PALLD: variants seen among roughly 807,000 people sequenced by gnomAD.
PALLD encodes palladin.
A neutral mutation model predicts 123.5 loss-of-function variants in PALLD; 61 were observed. That is an observed-to-expected ratio of 0.49 (90% confidence interval 0.40 to 0.61). The LOEUF (loss-of-function observed/expected upper bound fraction) is 0.61, where lower values mean the gene tolerates loss of function less well. PALLD is among the 20% of genes least tolerant of loss of function. The pLI is 0.00. For missense variants in PALLD, 1,273 were observed against 1,377.0 expected, an observed-to-expected ratio of 0.92 and a Z score of 1.20; for synonymous variants, 465 against 496.4, an observed-to-expected ratio of 0.94 and a Z score of 0.84.
chr4:168,919,744 A>G (rs1357402895), intron 17 of PALLD, among the ~76,000 whole-genome samples: 1 of 152,100 alleles, frequency 6.6e-6, no homozygotes, highest in Non-Finnish European at 1.5e-5. Context: ...TTTCAGGAAA[A>G]TAACTAATTC....
chr4:168,894,089 G>C (rs1754609772), intron 11 of PALLD: 1 of 186,972 alleles, frequency 5.3e-6, no homozygotes, highest in Admixed American at 5.4e-5. Flanking sequence ...ACTGTTAAAT[G>C]ACTGATAGAA....
chr4:168,754,758 A>C (rs1196833607), intron 10 of PALLD, among the ~76,000 whole-genome samples: 1 of 152,190 alleles, frequency 6.6e-6, no homozygotes, highest in Admixed American at 6.5e-5. Flanking sequence ...ATGTTCAAAG[A>C]ATGCCTAGTG....
chr4:168,639,749 T>A (rs926216124), intron 2 of PALLD, among the ~76,000 whole-genome samples: 2 of 152,094 alleles, frequency 1.3e-5, no homozygotes, highest in Non-Finnish European at 2.9e-5. Flanking sequence ...TTTCACCGTG[T>A]TAGCCAGGAT....
At chr4:168,816,413 A>ATATATATATATATT (rs34003798) in intron 10 of PALLD, among the ~76,000 whole-genome samples, 1 of 136,002 alleles carries the variant, frequency 7.4e-6, no homozygotes, top group African/African-American at 3.0e-5. Flanking sequence ...ATATATATAT[A>ATATATATATATATT]TTTTTTTTAA....
intron 2 of PALLD, among the ~76,000 whole-genome samples, chr4:168,570,428 A>T (rs1768857046): frequency 6.6e-6 from 1 of 152,166 alleles, no homozygotes; most frequent in Non-Finnish European, 1.5e-5. Context: ...GCAAAGTAAT[A>T]CCTTTTAGAC....
At chr4:168,917,778 T>C (rs1760501295) in intron 17 of PALLD, among the ~76,000 whole-genome samples, 1 of 152,182 alleles carries the variant, frequency 6.6e-6, no homozygotes, top group Non-Finnish European at 1.5e-5. Context: ...ATACACAAAT[T>C]GTGTTTCAGT....
At chr4:168,721,839 A>G (rs1394847078) in intron 10 of PALLD, among the ~76,000 whole-genome samples, 3 of 152,174 alleles carry the variant, frequency 2.0e-5, no homozygotes, top group Non-Finnish European at 4.4e-5. Context: ...CTAGAAACCA[A>G]TGACCTTCAG....
At chr4:168,622,187 A>T (rs1774828967) in intron 2 of PALLD, among the ~76,000 whole-genome samples, 1 of 152,092 alleles carries the variant, frequency 6.6e-6, no homozygotes, top group Non-Finnish European at 1.5e-5. Flanking sequence ...TGCAGACAAA[A>T]TCTGGTCTCC....
intron 10 of PALLD, among the ~76,000 whole-genome samples, chr4:168,786,504 T>C (rs950475486): frequency 6.6e-6 from 1 of 152,116 alleles, no homozygotes; most frequent in East Asian, 1.9e-4. Context: ...GAAAACCCTG[T>C]CTCTACAAAA....
chr4:168,914,003 G>T lies in PALLD; in HGVS notation c.2699G>T (p.Gly900Val). ...GGTCGAAGTCCCCGGTCTCCCTCAG[G>T]CCATCCTCATGTCAGAAGGTATTTA... is the stretch of plus-strand genomic sequence containing the variant. Reference protein sequence around the residue: ...QRGRSPRSPSGHPHVRRPRSR... With the variant: ...QRGRSPRSPSVHPHVRRPRSR... The change falls in exon 16 of 22, where the codon GGC (glycine) becomes GTC (valine). Residue 900 changes from glycine to valine, a missense_variant. Coordinates refer to ENST00000505667, the MANE Select transcript of PALLD (RefSeq NM_001166108.2). 3.1e-6 allele frequency: 5 copies of T among 1,605,566 alleles called. No individual in the cohort carries two copies. Among genetic ancestry groups the T allele is most frequent in the African/African-American group, 1.3e-5 (1 of 74,838 alleles).
At position 168,813,153 on chromosome 4, in the gene PALLD, T is replaced by C. The variant is rs561505129; in HGVS notation, c.1965-77769T>C. ...AATCTATTTTCTACCACATGTTTAA[T>C]GACCGAGGTGATGTATTTTTTCCTC... On this transcript the variant is annotated intron_variant, in intron 10 of 21. Transcript: ENST00000505667. 1.7e-3 allele frequency among the ~76,000 whole-genome samples: 262 copies of C among 152,206 alleles called. 1 individual carries two copies. The highest frequency in any genetic ancestry group is 5.9e-3 in the African/African-American group (243 of 41,534).
intron 2 of PALLD, chr4:168,654,893 G>A (rs1310569978): frequency 1.3e-5 from 2 of 152,196 alleles, no homozygotes; most frequent in South Asian, 2.1e-4. Context: ...AAGAAAAGGA[G>A]GCAGCATTTG....
chr4:168,599,086 C>A (rs1198894337), intron 2 of PALLD, among the ~76,000 whole-genome samples: 2 of 152,104 alleles, frequency 1.3e-5, no homozygotes, highest in Admixed American at 6.5e-5. Context: ...CAAGCCTGAT[C>A]CCCAAAATAG....
intron 10 of PALLD, among the ~76,000 whole-genome samples, chr4:168,773,655 G>A (rs775227404): frequency 6.6e-6 from 1 of 152,132 alleles, no homozygotes; most frequent in Admixed American, 6.5e-5. Flanking sequence ...CCATCATCGT[G>A]TACTGCCCCG....
intron 10 of PALLD, among the ~76,000 whole-genome samples, chr4:168,777,120 G>A (rs1010388626): frequency 1.3e-5 from 2 of 151,068 alleles, no homozygotes; most frequent in Non-Finnish European, 2.9e-5. Flanking sequence ...ACACACACAC[G>A]CCCCACAGTC....
chr4:168,809,768 G>A (rs1009897412), intron 10 of PALLD, among the ~76,000 whole-genome samples: 1 of 151,864 alleles, frequency 6.6e-6, no homozygotes, highest in Non-Finnish European at 1.5e-5. Flanking sequence ...GGAGACTGAG[G>A]CATGAGAACT....
At chr4:168,827,997 C>A (rs1346564900) in intron 10 of PALLD, among the ~76,000 whole-genome samples, 1 of 152,282 alleles carries the variant, frequency 6.6e-6, no homozygotes, top group Admixed American at 6.5e-5. Context: ...GCCGAGATCA[C>A]GCCATTGCAC....
chr4:168,701,929 C>A (rs567990849), intron 8 of PALLD, among the ~76,000 whole-genome samples: 1 of 152,340 alleles, frequency 6.6e-6, no homozygotes, highest in Non-Finnish European at 1.5e-5. Flanking sequence ...GCCCACTACT[C>A]CAAACCTCGT....
At chr4:168,598,447 T>G in intron 2 of PALLD, 1 of 621,358 alleles carries the variant, frequency 1.6e-6, no homozygotes, top group Non-Finnish European at 3.1e-6. Context: ...GTTTGGCTTC[T>G]GCATGACTGG....
Sources: gnomAD v4.1 joint callset for allele counts (sites outside exome capture counted in the v4.1 genomes callset) on GRCh38, gnomAD v4.1.1 for gene constraint, MANE v1.5 for transcripts, NCBI Gene and HGNC (gene_info 2026-07-23, HGNC 2026-07-21) for gene names.